The following INTS10 variants were observed in gnomAD, a reference collection of about 807,000 sequenced individuals.
The protein encoded by INTS10 is integrator complex subunit 10.
INTS10 carries 44 observed loss-of-function variants against 94.4 expected under a neutral mutation model. The observed-to-expected ratio is 0.47, with a 90% CI of 0.37 to 0.60. The LOEUF is 0.60. Ranked by LOEUF, INTS10 falls within the 20% of genes least tolerant of loss-of-function variation. The probability of loss-of-function intolerance (pLI) is 0.00; values close to 1 mark genes in which losing one functional copy is unlikely to be tolerated. For missense variants in INTS10, 797 were observed against 868.7 expected (o/e 0.92, Z 1.04); for synonymous variants, 341 against 320.7 (o/e 1.06, Z -0.68).
chr8:19,842,938 A>AGTT lies in INTS10; in HGVS notation c.1719+13_1719+15dup. The AGTT allele has an allele frequency of 6.5e-7, 1 of 1,543,842 alleles. No individual in the cohort carries two copies. On this transcript the variant is annotated intron_variant, in intron 14 of 16. Coordinates refer to ENST00000397977, the MANE Select transcript of INTS10 (RefSeq NM_018142.4). Reference sequence around the variant, plus strand: ...TTAGCCTGTTTTAAGGTAAGCTTAAAGTTGATTAGCTTGAAAAAAAATGTA... The same window carrying AGTT: ...TTAGCCTGTTTTAAGGTAAGCTTAAAGTTGTTGATTAGCTTGAAAAAAAATGTA...
intron 12 of INTS10, among the ~76,000 whole-genome samples, chr8:19,835,561 G>C (rs1421735151): frequency 1.3e-5 from 2 of 152,238 alleles, no homozygotes; most frequent in African/African-American, 2.4e-5. Context: ...AGGAAAGATT[G>C]ATAGAAAAGA....
intron 13 of INTS10, among the ~76,000 whole-genome samples, chr8:19,841,183 C>T (rs1035290756): frequency 2.6e-5 from 4 of 151,996 alleles, no homozygotes; most frequent in African/African-American, 7.2e-5. Context: ...ATGTAAAAAA[C>T]GACAATAAAA....
intron 9 of INTS10, among the ~76,000 whole-genome samples, chr8:19,828,955 A>G (rs1362761967): frequency 1.3e-5 from 2 of 152,128 alleles, no homozygotes; most frequent in Non-Finnish European, 2.9e-5. Flanking sequence ...GGGTAGGGAA[A>G]AGTCACCAAG....
At chr8:19,823,207 A>G (rs2066523178) in intron 5 of INTS10, 94 bp from the exon 6 acceptor site, 1 of 915,668 alleles carries the variant, frequency 1.1e-6, no homozygotes, top group Non-Finnish European at 1.7e-6. Context: ...TATTTTAGAT[A>G]CTACATCAAA....
intron 9 of INTS10, among the ~76,000 whole-genome samples, chr8:19,829,206 A>T (rs2067042462): frequency 6.6e-6 from 1 of 152,238 alleles, no homozygotes; most frequent in Non-Finnish European, 1.5e-5. Context: ...ACATATGTAT[A>T]CATGTAGTTG....
chr8:19,832,704 T>C (rs544561560), intron 11 of INTS10, among the ~76,000 whole-genome samples: 60 of 152,324 alleles, frequency 3.9e-4, no homozygotes, highest in African/African-American at 1.4e-3. Context: ...CACCCTCCTC[T>C]CTCTGCTGGT....
intron 3 of INTS10, 32 bp from the exon 4 acceptor site, chr8:19,820,347 A>C: frequency 6.3e-7 from 1 of 1,587,602 alleles, no homozygotes; most frequent in Non-Finnish European, 8.6e-7. Context: ...TGTCCGCAAG[A>C]AACTTTTAAA....
At chr8:19,832,773 T>C (rs1451158853) in intron 11 of INTS10, among the ~76,000 whole-genome samples, 2 of 152,226 alleles carry the variant, frequency 1.3e-5, no homozygotes, top group African/African-American at 4.8e-5. Context: ...AGATAGTCGA[T>C]AATTCACGAA....
At chr8:19,834,396 T>C (rs2067487580) in intron 12 of INTS10, among the ~76,000 whole-genome samples, 1 of 152,192 alleles carries the variant, frequency 6.6e-6, no homozygotes, top group African/African-American at 2.4e-5. Flanking sequence ...AAATTGAAAA[T>C]GCTTTTCCAC....
At chr8:19,830,245 T>G (rs1213554748) in intron 9 of INTS10, among the ~76,000 whole-genome samples, 161 bp from the exon 10 acceptor site, 1 of 151,916 alleles carries the variant, frequency 6.6e-6, no homozygotes, top group East Asian at 1.9e-4. Context: ...AAAAAAAAAT[T>G]AATTTTCAAA....
chr8:19,831,066 T>A (rs976291704), intron 10 of INTS10, among the ~76,000 whole-genome samples: 1 of 152,232 alleles, frequency 6.6e-6, no homozygotes, highest in Non-Finnish European at 1.5e-5. Context: ...ATACTGGGTA[T>A]TTTGACATTG....
rs192474095 is a variant in INTS10, at chr8:19,846,299, A to T, written c.1976+502A>T. 1.6e-4 allele frequency among the ~76,000 whole-genome samples: 25 copies of T among 151,926 alleles called. No homozygotes were observed. The highest frequency in any genetic ancestry group is 1.6e-3 in the Admixed American group (24 of 15,248). On this transcript the variant is annotated intron_variant, in intron 16 of 16. Coordinates refer to ENST00000397977, the MANE Select transcript of INTS10 (RefSeq NM_018142.4). The surrounding 1 kb of genome is among the most constrained non-coding windows in gnomAD (Gnocchi z 4.2). ...AAAAAAAAAATTATGTGGGCATGAT[A>T]GTGGGCACCTGTAATCCCAGCTACT...
At chr8:19,820,104 A>G (rs1017793603) in intron 3 of INTS10, among the ~76,000 whole-genome samples, 1 of 152,260 alleles carries the variant, frequency 6.6e-6, no homozygotes, top group South Asian at 2.1e-4. Flanking sequence ...CATGCTCTCT[A>G]TCTCAACCTG....
Position 19,824,786 on chromosome 8 carries a change from C to T in INTS10, c.837-17C>T. On this transcript the variant is annotated splice_polypyrimidine_tract_variant and intron_variant, in intron 7 of 16. Coordinates refer to ENST00000397977, the MANE Select transcript of INTS10 (RefSeq NM_018142.4). ...CCCAGAGTAATCAAATAAGTTTCAT[C>T]ATTCCTTCCTTTTTAGAAGCTATGG... is the stretch of plus-strand genomic sequence containing the variant. 1 of 1,582,276 alleles carries T rather than the reference C, an allele frequency of 6.3e-7. No homozygotes were observed. The highest frequency in any genetic ancestry group is 1.1e-5 in the South Asian group (1 of 88,278).
Position 19,842,918 on chromosome 8 carries a change from C to G in INTS10, c.1710C>G (p.Ala570=). The G allele has an allele frequency of 6.2e-7, 1 of 1,604,532 alleles. No individual in the cohort carries two copies. Among genetic ancestry groups the G allele is most frequent in the African/African-American group, 1.3e-5 (1 of 74,626 alleles). ...IMPYCLHLML[A]CFKLRAFTDN... ...CATACTGCCTCCATTTAATGTTAGC[C>G]TGTTTTAAGGTAAGCTTAAAGTTGA... is the stretch of plus-strand genomic sequence containing the variant. The change falls in exon 14 of 17, where the codon GCC becomes GCG. Residue 570 remains alanine, a synonymous_variant. Transcript: ENST00000397977.
intron 13 of INTS10, among the ~76,000 whole-genome samples, chr8:19,840,497 TA>T (rs2068045698): frequency 6.6e-6 from 1 of 152,162 alleles, no homozygotes; most frequent in Non-Finnish European, 1.5e-5. Flanking sequence ...AAACAGGTTT[TA>T]AAAAGACACA....
At chr8:19,847,083 G>A (rs187879492) in intron 16 of INTS10, among the ~76,000 whole-genome samples, 193 of 152,270 alleles carry the variant, frequency 1.3e-3, no homozygotes, top group African/African-American at 4.5e-3. Context: ...TTAGATTTCT[G>A]TAACCTCAGT....
intron 7 of INTS10, 132 bp downstream of exon 7, chr8:19,824,176 A>G: frequency 3.0e-6 from 2 of 664,344 alleles, no homozygotes; most frequent in Non-Finnish European, 2.5e-6. Context: ...TCAATGCAAA[A>G]GAGGATGGTT....
chr8:19,841,290 A>G (rs530393853), intron 13 of INTS10, among the ~76,000 whole-genome samples: 29 of 152,334 alleles, frequency 1.9e-4, no homozygotes, highest in South Asian at 1.2e-3. Flanking sequence ...CTTTTAGAAG[A>G]AAATTTAAAA....
Sources: allele counts gnomAD v4.1 joint callset (sites outside exome capture counted in the v4.1 genomes callset), GRCh38; gene constraint gnomAD v4.1.1; non-coding constraint Gnocchi (gnomAD v3.1); transcripts MANE v1.5; gene names NCBI Gene and HGNC (gene_info 2026-07-23, HGNC 2026-07-21).